The following CPXM2 variants were observed in gnomAD, a reference collection of about 807,000 sequenced individuals.
The protein encoded by CPXM2 is carboxypeptidase X, M14 family member 2.
In CPXM2, 66 loss-of-function variants were observed where a neutral mutation model predicts 86.1. The ratio of observed to expected loss-of-function variants is 0.77; its 90% CI spans 0.63 to 0.94. The LOEUF is 0.94. Ranked by LOEUF, CPXM2 falls within the 40% of genes least tolerant of loss-of-function variation. The pLI is 0.00. For missense variants in CPXM2, 948 were observed against 1,026.3 expected (o/e 0.92, Z 1.04); for synonymous variants, 388 against 400.2 (o/e 0.97, Z 0.36).
chr10:123,874,352 G>A lies in CPXM2; in HGVS notation c.403+5859C>T, dbSNP rs1032335329. Among the ~76,000 whole-genome samples, 4 of 151,708 alleles carry A rather than the reference G, an allele frequency of 2.6e-5. No individual in the cohort carries two copies. In the East Asian group the frequency reaches 5.8e-4, roughly 22 times the overall value. On this transcript the variant is annotated intron_variant, in intron 2 of 13. Transcript: ENST00000241305. ...TCCCATTCATGAGAATTCCACCCTC[G>A]TGATCTAATCACCACCCCCCGCCCC...
intron 2 of CPXM2, among the ~76,000 whole-genome samples, chr10:123,870,384 T>A (rs930039143): frequency 1.3e-5 from 2 of 152,222 alleles, no homozygotes; most frequent in Admixed American, 1.3e-4. Context: ...TGTAGCCTAC[T>A]GTGATCGCCT....
chr10:123,780,039 C>T, intron 7 of CPXM2, 128 bp downstream of exon 7: 1 of 671,268 alleles, frequency 1.5e-6, no homozygotes, highest in Non-Finnish European at 2.7e-6. Context: ...GTGTCTTCAG[C>T]AAACCAAATG....
At chr10:123,931,254 A>G (rs754200067) in intron 2 of CPXM2, among the ~76,000 whole-genome samples, 2 of 152,090 alleles carry the variant, frequency 1.3e-5, no homozygotes, top group African/African-American at 2.4e-5. Context: ...AGTAAAAAAA[A>G]CCCTGGACAC....
intron 3 of CPXM2, chr10:123,843,159 C>T: frequency 2.8e-6 from 1 of 353,866 alleles, no homozygotes; most frequent in Admixed American, 4.3e-5. Flanking sequence ...GGTATGTTGC[C>T]CAGGCTGGCC....
chr10:123,795,623 A>T (rs1847319376), intron 6 of CPXM2, among the ~76,000 whole-genome samples: 1 of 152,052 alleles, frequency 6.6e-6, no homozygotes, highest in Admixed American at 6.5e-5. Flanking sequence ...GAGCTGCCCC[A>T]TCCTTGGACA....
At chr10:123,942,759 C>A (rs150778859), upstream of CPXM2, among the ~76,000 whole-genome samples, 1 of 152,320 alleles carries the variant, frequency 6.6e-6, no homozygotes, top group East Asian at 1.9e-4. Context: ...TTCCTTACTT[C>A]TCTATAAAGT....
intron 6 of CPXM2, among the ~76,000 whole-genome samples, chr10:123,796,295 A>G (rs1357492021): frequency 1.3e-5 from 2 of 152,252 alleles, no homozygotes; most frequent in Admixed American, 6.5e-5. Context: ...AGAAGGACAG[A>G]GCAATAAGAA....
intron 3 of CPXM2, among the ~76,000 whole-genome samples, chr10:123,854,007 A>G (rs1342007403): frequency 1.3e-5 from 2 of 151,370 alleles, no homozygotes; most frequent in Non-Finnish European, 2.9e-5. Flanking sequence ...TTTTCTGCTT[A>G]TATAGCATTT....
chr10:123,937,766 C>T (rs1018404755), intron 2 of CPXM2, among the ~76,000 whole-genome samples: 9 of 151,966 alleles, frequency 5.9e-5, no homozygotes, highest in African/African-American at 2.2e-4. Context: ...CTTTCAGGGC[C>T]CTGTTTTGAA....
chr10:123,781,612 C>G (rs906075085), intron 6 of CPXM2, among the ~76,000 whole-genome samples: 1 of 152,186 alleles, frequency 6.6e-6, no homozygotes, highest in African/African-American at 2.4e-5. Context: ...TAGGGCCACT[C>G]TAGAGGCAGT....
chr10:123,746,752 G>A lies in CPXM2; in HGVS notation c.*12C>T, dbSNP rs1188674577. ...GCATGGGTCCCAGACGAGTCTCAAGGGCCCAGGAGGGTCACCCACGCTGTC... is the reference window on the plus strand; with the variant it reads ...GCATGGGTCCCAGACGAGTCTCAAGAGCCCAGGAGGGTCACCCACGCTGTC... On this transcript the variant is annotated 3_prime_UTR_variant, in exon 14 of 14. Coordinates refer to ENST00000241305, the MANE Select transcript of CPXM2 (RefSeq NM_198148.3). The A allele has an allele frequency of 1.2e-6, 2 of 1,613,328 alleles. No homozygotes were observed. The highest frequency in any genetic ancestry group is 1.7e-6 in the Non-Finnish European group (2 of 1,179,778).
chr10:123,942,722 C>T (rs565082348), upstream of CPXM2, among the ~76,000 whole-genome samples: 3 of 152,314 alleles, frequency 2.0e-5, no homozygotes, highest in South Asian at 2.1e-4. Flanking sequence ...CAGGAGGGCT[C>T]TCACTATGGA....
intron 4 of CPXM2, among the ~76,000 whole-genome samples, chr10:123,806,334 C>T (rs376383729): frequency 6.6e-6 from 1 of 152,098 alleles, no homozygotes; most frequent in African/African-American, 2.4e-5. Context: ...TAAACACACA[C>T]ATGTTGAAAC....
intron 2 of CPXM2, among the ~76,000 whole-genome samples, chr10:123,877,264 G>A (rs573003972): frequency 6.6e-6 from 1 of 152,260 alleles, no homozygotes; most frequent in African/African-American, 2.4e-5. Context: ...CAACATAAAT[G>A]TCTATTATTA....
intron 2 of CPXM2, among the ~76,000 whole-genome samples, chr10:123,878,741 G>T (rs1166318736): frequency 6.6e-6 from 1 of 152,028 alleles, no homozygotes; most frequent in Non-Finnish European, 1.5e-5. Flanking sequence ...TCTTCACAAG[G>T]CAGTGAAGAA....
chr10:123,831,927 C>T (rs2134133374), intron 4 of CPXM2, among the ~76,000 whole-genome samples: 1 of 70,410 alleles, frequency 1.4e-5, no homozygotes, highest in East Asian at 4.4e-4. Context: ...TAATGACATC[C>T]TGTGGGTGGA....
intron 2 of CPXM2, among the ~76,000 whole-genome samples, chr10:123,870,107 T>C (rs28362099): frequency 0.18 from 27,671 of 152,054 alleles, 3,348 homozygotes; most frequent in Non-Finnish European, 0.28. Flanking sequence ...ACTCCTGTCA[T>C]TGTATCTGTA....
chr10:123,785,174 G>C (rs1366140114), intron 6 of CPXM2, among the ~76,000 whole-genome samples: 1 of 151,192 alleles, frequency 6.6e-6, no homozygotes, highest in African/African-American at 2.4e-5. Context: ...TGCTTTGTTT[G>C]TGCATTTTGT....
At chr10:123,789,369 G>A (rs1282337517) in intron 6 of CPXM2, among the ~76,000 whole-genome samples, 3 of 152,202 alleles carry the variant, frequency 2.0e-5, no homozygotes, top group Non-Finnish European at 4.4e-5. Context: ...CTTCTCCACT[G>A]TGGGAGCAGA....
Sources: allele counts gnomAD v4.1 joint callset (sites outside exome capture counted in the v4.1 genomes callset), GRCh38; gene constraint gnomAD v4.1.1; transcripts MANE v1.5; gene names NCBI Gene and HGNC (gene_info 2026-07-23, HGNC 2026-07-21).